ADAMTSL2: variants seen among roughly 807,000 people sequenced by gnomAD.
The protein encoded by ADAMTSL2 is ADAMTS-like protein 2.
Under a neutral mutation model 117.0 loss-of-function variants are expected in ADAMTSL2, and 55 were observed. That is an observed-to-expected ratio of 0.47 (90% CI 0.38 to 0.59). ADAMTSL2 has a LOEUF of 0.59. ADAMTSL2 is among the 20% of genes least tolerant of loss of function. The pLI, the probability that ADAMTSL2 is intolerant of heterozygous loss-of-function variation, is 0.00. For synonymous variants in ADAMTSL2, 572 were observed against 566.4 expected (o/e 1.01, Z -0.14); for missense variants, 1,182 against 1,354.5 (o/e 0.87, Z 2.00).
Position 133,569,554 on chromosome 9 carries a change from C to T in ADAMTSL2, c.2391C>T (p.His797=). ...HPCGDKNCPA[H]WLAQDWERCN... is the part of the protein sequence containing the mutation. ...GTGGGGACAAAAACTGTCCCGCCCA[C>T]TGGCTGGCCCAGGACTGGGAGCGGG... Residue 797 remains histidine (H), a synonymous_variant, in exon 16 of 19, where the codon CAC becomes CAT. Transcript: ENST00000651351. 6.3e-7 allele frequency: 1 copy of T among 1,586,434 alleles called. No homozygotes were observed. Among genetic ancestry groups the T allele is most frequent in the Non-Finnish European group, 8.6e-7 (1 of 1,165,566 alleles).
intron 8 of ADAMTSL2, among the ~76,000 whole-genome samples, chr9:133,546,103 C>T (rs933185502): frequency 5.3e-5 from 8 of 152,078 alleles, no homozygotes; most frequent in African/African-American, 1.4e-4. Flanking sequence ...GTGTCCCGAG[C>T]GCCGAATCGG....
At chr9:133,568,133 G>A in intron 13 of ADAMTSL2, 140 bp from the exon 14 acceptor site, 7 of 895,630 alleles carry the variant, frequency 7.8e-6, no homozygotes, top group Non-Finnish European at 1.2e-5. Flanking sequence ...ACACCCTCCT[G>A]TCTGGCTTAG....
intron 17 of ADAMTSL2, among the ~76,000 whole-genome samples, chr9:133,571,333 C>T (rs1831101680): frequency 6.6e-6 from 1 of 152,154 alleles, no homozygotes; most frequent in African/African-American, 2.4e-5. Flanking sequence ...GAGTGAAACC[C>T]AGGTGGGGTG....
intron 4 of ADAMTSL2, among the ~76,000 whole-genome samples, chr9:133,538,705 T>C (rs1448995765): frequency 6.6e-6 from 1 of 152,154 alleles, no homozygotes; most frequent in Non-Finnish European, 1.5e-5. Context: ...CCTCAAGGTT[T>C]GGGGTCTCTG....
At chr9:133,564,649 G>GGAGAGAGGGAGAGAGA (rs1830914806) in intron 12 of ADAMTSL2, among the ~76,000 whole-genome samples, 1 of 27,804 alleles carries the variant, frequency 3.6e-5, no homozygotes, top group African/African-American at 1.3e-4. Flanking sequence ...AGGGAGAGAG[G>GGAGAGAGGGAGAGAGA]GAGAGAGGGA....
chr9:133,536,691 G>A lies in ADAMTSL2; in HGVS notation c.-22G>A. On this transcript the variant is annotated 5_prime_UTR_variant, in exon 2 of 19. Coordinates refer to ENST00000651351, the MANE Select transcript of ADAMTSL2 (RefSeq NM_014694.4). ...AGAGGATCGGAGCTGGCCTGGTGGT[G>A]ACAGTGGCCTTGCTTCCTAGGATGG... 1 of 1,614,208 alleles carries A rather than the reference G, an allele frequency of 6.2e-7. No individual in the cohort carries two copies. Among genetic ancestry groups the A allele is most frequent in the South Asian group, 1.1e-5 (1 of 91,078 alleles).
chr9:133,532,232 T>C (rs1162303742), upstream of ADAMTSL2: 1 of 152,196 alleles, frequency 6.6e-6, no homozygotes, highest in Non-Finnish European at 1.5e-5. Context: ...AATCTCACTC[T>C]TTCACCCAGA....
chr9:133,555,725 T>C lies in ADAMTSL2; in HGVS notation c.1444T>C (p.Phe482Leu). 18 of 1,614,020 alleles carry C rather than the reference T, an allele frequency of 1.1e-5. No homozygotes were observed. In the South Asian group the frequency reaches 2.0e-4, roughly 18 times the overall value. ...FTLNETVNSI[F>L]AQGAPRSSLA... Reference sequence around the variant, plus strand: ...CCTCAATGAGACTGTGAACAGCATCTTTGCACAGGGCGCCCCAAGGAGCTC... The same window carrying C: ...CCTCAATGAGACTGTGAACAGCATCCTTGCACAGGGCGCCCCAAGGAGCTC... Residue 482 changes from phenylalanine to leucine, a missense_variant, in exon 11 of 19, where the codon TTT (phenylalanine) becomes CTT (leucine). This residue lies in a region of ADAMTSL2 where 345 missense variants were observed against 325.8 expected (regional missense o/e 1.06). Coordinates refer to ENST00000651351, the MANE Select transcript of ADAMTSL2 (RefSeq NM_014694.4).
chr9:133,539,194 C>T (rs1830131307), intron 4 of ADAMTSL2, among the ~76,000 whole-genome samples: 1 of 152,166 alleles, frequency 6.6e-6, no homozygotes, highest in South Asian at 2.1e-4. Context: ...GGCAGTGCAG[C>T]CAGGGTTGGG....
intron 9 of ADAMTSL2, among the ~76,000 whole-genome samples, chr9:133,552,544 C>T (rs1830512084): frequency 1.3e-5 from 2 of 152,182 alleles, no homozygotes; most frequent in Non-Finnish European, 2.9e-5. Context: ...CGGTTGTCCA[C>T]CCCAGGGGAA....
At chr9:133,542,602 C>T (rs754232985) in intron 7 of ADAMTSL2, among the ~76,000 whole-genome samples, 14 of 152,210 alleles carry the variant, frequency 9.2e-5, no homozygotes, top group Non-Finnish European at 1.3e-4. Context: ...TCATTCACGC[C>T]TGGCAACAGC....
At chr9:133,532,400 T>C (rs2131079248), upstream of ADAMTSL2, 1 of 152,350 alleles carries the variant, frequency 6.6e-6, no homozygotes, top group South Asian at 2.1e-4. Flanking sequence ...TTTTACCATG[T>C]TGGCCATGCT....
intron 17 of ADAMTSL2, among the ~76,000 whole-genome samples, chr9:133,570,910 G>A (rs1328178783): frequency 1.3e-5 from 2 of 152,184 alleles, no homozygotes; most frequent in African/African-American, 4.8e-5. Flanking sequence ...CACAGCCAAG[G>A]CAGCCGCTTG....
At position 133,569,393 on chromosome 9, in the gene ADAMTSL2, T is replaced by C; in HGVS notation, c.2245-15T>C. 6.2e-7 allele frequency: 1 copy of C among 1,612,638 alleles called. No individual in the cohort carries two copies. Among genetic ancestry groups the C allele is most frequent in the Admixed American group, 1.7e-5 (1 of 59,982 alleles). On this transcript the variant is annotated splice_polypyrimidine_tract_variant and intron_variant, in intron 15 of 18. Coordinates refer to ENST00000651351, the MANE Select transcript of ADAMTSL2 (RefSeq NM_014694.4). ...CCTCTCACTGGATGTCCCCTGCCTG[T>C]CCTCTCCCCTGCAGTGCAGTGGAAG... is the stretch of plus-strand genomic sequence containing the variant.
At position 133,554,785 on chromosome 9, in the gene ADAMTSL2, C is replaced by T. The variant is rs1830568353; in HGVS notation, c.1276+92C>T. 1 of 1,195,438 alleles carries T rather than the reference C, an allele frequency of 8.4e-7. No homozygotes were observed. Among genetic ancestry groups the T allele is most frequent in the African/African-American group, 1.5e-5 (1 of 64,858 alleles). The allele number at this position is 1,195,438 out of a possible 1,614,324, so 74.1% of individuals were successfully genotyped here. On this transcript the variant is annotated intron_variant, in intron 10 of 18. Transcript: ENST00000651351. This position sits in a 1 kb window ranked among gnomAD's most constrained non-coding sequence, Gnocchi z 5.2. The stretch of plus-strand genomic sequence containing the variant: ...AAGGGGTCTCAGACCCTTTGCAGAC[C>T]TGCAGAGGAGGTTCCTAAGAGCTGC...
At chr9:133,551,898 C>A (rs1367579311) in intron 9 of ADAMTSL2, among the ~76,000 whole-genome samples, 2 of 148,100 alleles carry the variant, frequency 1.4e-5, no homozygotes, top group African/African-American at 5.0e-5. Context: ...GGCACAGTCT[C>A]AGCTCCCTGC....
chr9:133,564,256 GAGAGGGAGAGAGAGAGAA>G (rs1322880866), intron 12 of ADAMTSL2, among the ~76,000 whole-genome samples: 1 of 70,546 alleles, frequency 1.4e-5, no homozygotes. Context: ...GAGGGAGAGA[GAGAGGGAGAGAGAGAGAA>G]AGAGGGAGAG....
chr9:133,556,440 G>A (rs1830607273), intron 11 of ADAMTSL2, among the ~76,000 whole-genome samples: 1 of 152,228 alleles, frequency 6.6e-6, no homozygotes, highest in Non-Finnish European at 1.5e-5. Context: ...GCCTGTAGGA[G>A]GAGGCGGAGC....
intron 3 of ADAMTSL2, 68 bp from the exon 4 acceptor site, chr9:133,538,281 G>C (rs1356189189): frequency 1.3e-6 from 2 of 1,591,244 alleles, no homozygotes; most frequent in African/African-American, 1.3e-5. Context: ...GTGGCCGTGG[G>C]GCCAGCCCAG....
Sources: gnomAD v4.1 joint callset for allele counts (sites outside exome capture counted in the v4.1 genomes callset) on GRCh38, gnomAD v4.1.1 for gene constraint, gnomAD v4.1.1 regional missense constraint, Gnocchi (gnomAD v3.1) non-coding constraint, MANE v1.5 for transcripts, NCBI Gene and HGNC (gene_info 2026-07-23, HGNC 2026-07-21) for gene names.